SLC4A4: variants seen among roughly 807,000 people sequenced by gnomAD.
SLC4A4 encodes electrogenic sodium bicarbonate cotransporter 1.
SLC4A4 carries 27 observed loss-of-function variants against 111.5 expected under a neutral mutation model. The observed-to-expected ratio is 0.24, with a 90% CI of 0.18 to 0.33. The LOEUF (loss-of-function observed/expected upper bound fraction) is 0.33. SLC4A4 is among the 10% of genes least tolerant of loss of function. The probability of loss-of-function intolerance (pLI) is 1.00; values close to 1 mark genes in which losing one functional copy is unlikely to be tolerated. For synonymous variants in SLC4A4, 443 were observed against 463.4 expected, an observed-to-expected ratio of 0.96 and a Z score of 0.57; for missense variants, 909 against 1,315.5, an observed-to-expected ratio of 0.69 and a Z score of 4.78.
At chr4:71,260,369 T>C (rs1721766265) in intron 3 of SLC4A4, among the ~76,000 whole-genome samples, 1 of 152,218 alleles carries the variant, frequency 6.6e-6, no homozygotes. Flanking sequence ...ATCCTTAATT[T>C]TGATACCATA....
chr4:71,329,387 T>C (rs1353995999), intron 3 of SLC4A4, among the ~76,000 whole-genome samples: 1 of 152,124 alleles, frequency 6.6e-6, no homozygotes, highest in Non-Finnish European at 1.5e-5. Context: ...AGGGATTGCA[T>C]TGAATCTGTA....
At chr4:71,390,819 T>G (rs565830108) in intron 6 of SLC4A4, among the ~76,000 whole-genome samples, 1 of 152,240 alleles carries the variant, frequency 6.6e-6, no homozygotes, top group South Asian at 2.1e-4. Context: ...CATTATGAGA[T>G]CCATGTTTAC....
chr4:71,278,271 G>A (rs998575526), intron 3 of SLC4A4, among the ~76,000 whole-genome samples: 1 of 151,928 alleles, frequency 6.6e-6, no homozygotes, highest in Non-Finnish European at 1.5e-5. Context: ...ACTAGTAGCA[G>A]GATTTTCTTC....
chr4:71,397,334 T>G (rs1719911392), intron 6 of SLC4A4, among the ~76,000 whole-genome samples: 1 of 152,228 alleles, frequency 6.6e-6, no homozygotes, highest in African/African-American at 2.4e-5. Flanking sequence ...AAAGTTTAGC[T>G]TACCTTGAAA....
intron 1 of SLC4A4, among the ~76,000 whole-genome samples, chr4:71,194,672 G>T (rs1209752329): frequency 6.6e-6 from 1 of 152,132 alleles, no homozygotes; most frequent in Non-Finnish European, 1.5e-5. Flanking sequence ...TTCACTCCAT[G>T]AGTGATCCCC....
intron 1 of SLC4A4, among the ~76,000 whole-genome samples, chr4:71,227,471 G>A (rs1238826003): frequency 6.6e-6 from 1 of 152,174 alleles, no homozygotes; most frequent in Non-Finnish European, 1.5e-5. Context: ...AGGCAGATGG[G>A]AATCCAGCCA....
At chr4:71,137,706 G>C (rs1743882456) in intron 2 of SLC4A4, among the ~76,000 whole-genome samples, 1 of 152,156 alleles carries the variant, frequency 6.6e-6, no homozygotes, top group Non-Finnish European at 1.5e-5. Context: ...GAGCTCCAAG[G>C]GCAGCTCTAA....
At chr4:71,402,673 T>G (rs1194575899) in intron 7 of SLC4A4, among the ~76,000 whole-genome samples, 1 of 152,222 alleles carries the variant, frequency 6.6e-6, no homozygotes, top group African/African-American at 2.4e-5. Flanking sequence ...GAGAAGGTAG[T>G]TAGGGTACTT....
chr4:71,435,210 T>C (rs978332891), intron 7 of SLC4A4, among the ~76,000 whole-genome samples: 5 of 152,084 alleles, frequency 3.3e-5, no homozygotes, highest in African/African-American at 1.2e-4. Flanking sequence ...CCAAAACAGA[T>C]ATATAGAACA....
At chr4:71,166,785 A>G (rs1021073445) in intron 2 of SLC4A4, among the ~76,000 whole-genome samples, 2 of 152,222 alleles carry the variant, frequency 1.3e-5, no homozygotes, top group African/African-American at 4.8e-5. Context: ...CATAGTTACC[A>G]CTAACACAGT....
chr4:71,080,392 C>T (rs1349925263), intron 1 of SLC4A4, among the ~76,000 whole-genome samples: 1 of 152,040 alleles, frequency 6.6e-6, no homozygotes, highest in African/African-American at 2.4e-5. Flanking sequence ...GGGAAGAAGG[C>T]ATGATTCCTG....
At chr4:71,164,853 A>G (rs1224218522) in intron 2 of SLC4A4, among the ~76,000 whole-genome samples, 1 of 151,034 alleles carries the variant, frequency 6.6e-6, no homozygotes, top group African/African-American at 2.5e-5. Flanking sequence ...AAACAAATTT[A>G]CAAGAAAAAA....
At chr4:71,408,440 T>C (rs1159650918) in intron 7 of SLC4A4, among the ~76,000 whole-genome samples, 1 of 152,222 alleles carries the variant, frequency 6.6e-6, no homozygotes, top group African/African-American at 2.4e-5. Context: ...GGGCTACTGC[T>C]TTTTTATTTT....
intron 3 of SLC4A4, among the ~76,000 whole-genome samples, chr4:71,290,472 A>G (rs1023492907): frequency 1.2e-4 from 18 of 152,210 alleles, no homozygotes; most frequent in Admixed American, 1.0e-3. Flanking sequence ...TGAAGACTTG[A>G]GAAAGACCTA....
intron 2 of SLC4A4, among the ~76,000 whole-genome samples, chr4:71,145,056 T>C (rs1261624146): frequency 6.6e-6 from 1 of 152,152 alleles, no homozygotes; most frequent in African/African-American, 2.4e-5. Context: ...CGAGTTTTTG[T>C]CCATTCAGTA....
intron 16 of SLC4A4, among the ~76,000 whole-genome samples, chr4:71,509,616 G>A (rs75765985): frequency 0.012 from 1,902 of 152,282 alleles, 20 homozygotes; most frequent in Non-Finnish European, 0.018. Context: ...GCCTGGGCCA[G>A]TTTCAGAACT....
intron 1 of SLC4A4, among the ~76,000 whole-genome samples, chr4:71,079,938 G>C (rs1209605283): frequency 1.3e-5 from 2 of 151,760 alleles, no homozygotes; most frequent in East Asian, 3.9e-4. Flanking sequence ...GACTCTTGGG[G>C]CTGTGTCCCC....
At chr4:71,403,592 A>C (rs1336200620) in intron 7 of SLC4A4, among the ~76,000 whole-genome samples, 1 of 152,206 alleles carries the variant, frequency 6.6e-6, no homozygotes, top group Non-Finnish European at 1.5e-5. Context: ...AGCAAAAAGC[A>C]AGAGTAGAGG....
At chr4:71,280,573 A>G (rs1179021406) in intron 3 of SLC4A4, among the ~76,000 whole-genome samples, 1 of 152,168 alleles carries the variant, frequency 6.6e-6, no homozygotes, top group Non-Finnish European at 1.5e-5. Context: ...TGAGTGGTAT[A>G]AAATAGGGGT....
Sources: allele counts gnomAD v4.1 joint callset (sites outside exome capture counted in the v4.1 genomes callset), GRCh38; gene constraint gnomAD v4.1.1; transcripts MANE v1.5; gene names NCBI Gene and HGNC (gene_info 2026-07-23, HGNC 2026-07-21).